The following PCM1 variants were observed in gnomAD, a reference collection of about 807,000 sequenced individuals.
The protein encoded by PCM1 is pericentriolar material 1 protein.
In PCM1, 157 loss-of-function variants were observed where a neutral mutation model predicts 241.9. That is an observed-to-expected ratio of 0.65 (90% CI 0.57 to 0.74). The LOEUF (loss-of-function observed/expected upper bound fraction) is 0.74. PCM1 is among the 30% of genes least tolerant of loss of function. PCM1 has a pLI of 0.00. For missense variants in PCM1, 3,478 were observed against 2,360.1 expected, an observed-to-expected ratio of 1.47 and a Z score of -9.81; for synonymous variants, 1,085 against 784.9, an observed-to-expected ratio of 1.38 and a Z score of -6.39.
intron 2 of PCM1, among the ~76,000 whole-genome samples, chr8:17,928,497 T>G (rs997587691): frequency 5.9e-5 from 9 of 152,190 alleles, no homozygotes; most frequent in Admixed American, 2.0e-4. Flanking sequence ...GAGATGTTCT[T>G]CTTCCTCTCT....
At chr8:18,023,401 G>C (rs1471364766) in intron 36 of PCM1, among the ~76,000 whole-genome samples, 2 of 151,888 alleles carry the variant, frequency 1.3e-5, no homozygotes, top group Non-Finnish European at 2.9e-5. Flanking sequence ...CTCTGAATTG[G>C]AAAAATGGCT....
rs1248431771 is a variant in PCM1, at chr8:17,966,993, C to G, written c.3235C>G (p.Leu1079Val). 1.9e-6 allele frequency: 3 copies of G among 1,604,212 alleles called. No individual in the cohort carries two copies. The highest frequency in any genetic ancestry group is 2.6e-6 in the Non-Finnish European group (3 of 1,175,136). Residue 1079 changes from leucine to valine, a missense_variant, in exon 21 of 39, where the codon CTA (leucine) becomes GTA (valine). By Grantham distance (32) the Leu-to-Val change is conservative. Coordinates refer to ENST00000325083, the MANE Select transcript of PCM1 (RefSeq NM_006197.4). ...AAATCTTTGTAGGTTGAAACAAATG[C>G]TAAATGAACTTATGCGCCAGCAAAA... ...QNNVQRLKQM[L>V]NELMRQQNQH...
chr8:18,019,764 C>G (rs559274152), intron 36 of PCM1, among the ~76,000 whole-genome samples: 3 of 152,204 alleles, frequency 2.0e-5, no homozygotes, highest in Admixed American at 6.5e-5. Flanking sequence ...TGGCTCCCCC[C>G]ACCACTCACC....
intron 23 of PCM1, chr8:17,980,120 T>G (rs2080193028): frequency 6.6e-6 from 1 of 152,120 alleles, no homozygotes; most frequent in Non-Finnish European, 1.5e-5. Context: ...CTTGAAAATT[T>G]TATAGAATAT....
At chr8:17,975,218 A>G (rs1383541294) in intron 23 of PCM1, among the ~76,000 whole-genome samples, 5 of 152,158 alleles carry the variant, frequency 3.3e-5, no homozygotes, top group Admixed American at 6.5e-5. Flanking sequence ...GATTTGTTAG[A>G]AAAAAGGATT....
chr8:17,986,856 A>G (rs1021889038), intron 26 of PCM1, among the ~76,000 whole-genome samples: 1 of 151,858 alleles, frequency 6.6e-6, no homozygotes, highest in Non-Finnish European at 1.5e-5. Flanking sequence ...GTAGTTGATT[A>G]GCAAATATCA....
At chr8:17,989,711 A>ATC (rs2083849175) in intron 26 of PCM1, 148 bp from the exon 27 acceptor site, 1 of 543,728 alleles carries the variant, frequency 1.8e-6, no homozygotes, top group Non-Finnish European at 3.1e-6. Context: ...TGGTTATATT[A>ATC]TCATCTTGTT....
chr8:17,952,426 A>C (rs559258600), intron 8 of PCM1, among the ~76,000 whole-genome samples: 12 of 152,232 alleles, frequency 7.9e-5, no homozygotes, highest in African/African-American at 2.9e-4. Flanking sequence ...ATGTCTAGTG[A>C]ATCCAAGACC....
At chr8:17,966,898 T>G (rs2129469850) in intron 20 of PCM1, 82 bp from the exon 21 acceptor site, 1 of 1,290,232 alleles carries the variant, frequency 7.8e-7, no homozygotes, top group Non-Finnish European at 1.1e-6. Flanking sequence ...TGAATCATTT[T>G]TTTACATGTA....
intron 3 of PCM1, among the ~76,000 whole-genome samples, chr8:17,935,932 A>G (rs1585828631): frequency 1.3e-5 from 2 of 152,068 alleles, no homozygotes; most frequent in Non-Finnish European, 1.5e-5. Flanking sequence ...TGTTTTTTTT[A>G]TGGAAACCAT....
In PCM1 at chr8:17,956,790, C is replaced by G; in HGVS notation, c.1646+13C>G. On this transcript the variant is annotated intron_variant, in intron 11 of 38. Transcript: ENST00000325083. Reference sequence around the variant, plus strand: ...TTACTAACATTCGGTAAGAACTTTTCTGGGGATGTTTTTCCAGCATATTCA... The same window carrying G: ...TTACTAACATTCGGTAAGAACTTTTGTGGGGATGTTTTTCCAGCATATTCA... 1 of 1,594,688 alleles carries G rather than the reference C, an allele frequency of 6.3e-7. No homozygotes were observed. The highest frequency in any genetic ancestry group is 8.6e-7 in the Non-Finnish European group (1 of 1,166,750).
At position 17,962,081 on chromosome 8, in the gene PCM1, A is replaced by G; in HGVS notation, c.2370A>G (p.Pro790=). The change falls in exon 16 of 39, where the codon CCA becomes CCG. Residue 790 remains proline (P), a synonymous_variant. Coordinates refer to ENST00000325083, the MANE Select transcript of PCM1 (RefSeq NM_006197.4). ...VGNCPTKKYM[P]AVTSTPTVNQ... ...ACTGTCCCACCAAAAAATATATGCC[A>G]GCTGTTACTTCAACCCCAACTGTTA... The G allele has an allele frequency of 6.2e-7, 1 of 1,611,958 alleles. No homozygotes were observed. Among genetic ancestry groups the G allele is most frequent in the African/African-American group, 1.3e-5 (1 of 75,036 alleles).
At chr8:18,023,027 A>C (rs752169043) in intron 36 of PCM1, among the ~76,000 whole-genome samples, 14 of 152,194 alleles carry the variant, frequency 9.2e-5, no homozygotes, top group Non-Finnish European at 2.1e-4. Context: ...TAACCATTCT[A>C]CCTGGCAGTG....
At chr8:18,008,630 T>TAAG (rs2091945814) in intron 30 of PCM1, among the ~76,000 whole-genome samples, 1 of 152,172 alleles carries the variant, frequency 6.6e-6, no homozygotes, top group Admixed American at 6.5e-5. Context: ...TCTTTCTATA[T>TAAG]AAGGCTTTAA....
At chr8:17,957,839 T>C in intron 13 of PCM1, 64 bp downstream of exon 13, 1 of 1,089,392 alleles carries the variant, frequency 9.2e-7, no homozygotes, top group Non-Finnish European at 1.4e-6. Flanking sequence ...GTAAAATTTG[T>C]GTATGATAAT....
At chr8:17,970,131 C>A (rs1420505459) in intron 22 of PCM1, among the ~76,000 whole-genome samples, 1 of 151,998 alleles carries the variant, frequency 6.6e-6, no homozygotes, top group Admixed American at 6.6e-5. Context: ...CTTCCTAAAG[C>A]CTATTCAAAT....
intron 21 of PCM1, 195 bp from the exon 22 acceptor site, chr8:17,969,382 C>T (rs1479409327): frequency 2.0e-6 from 1 of 496,350 alleles, no homozygotes; most frequent in Non-Finnish European, 3.5e-6. Context: ...TATTAATTGT[C>T]TTTGACCAAT....
chr8:18,008,955 T>G (rs1400116990), intron 30 of PCM1, among the ~76,000 whole-genome samples: 1 of 152,236 alleles, frequency 6.6e-6, no homozygotes, highest in Non-Finnish European at 1.5e-5. Context: ...CCTATTTTCT[T>G]TTACATGATC....
intron 2 of PCM1, chr8:17,925,217 T>G (rs1025534814): frequency 2.1e-4 from 32 of 152,238 alleles, no homozygotes; most frequent in African/African-American, 7.5e-4. Flanking sequence ...TAAAATTACT[T>G]TATTATTATT....
Sources: gnomAD v4.1 joint callset for allele counts (sites outside exome capture counted in the v4.1 genomes callset) on GRCh38, gnomAD v4.1.1 for gene constraint, MANE v1.5 for transcripts, NCBI Gene and HGNC (gene_info 2026-07-23, HGNC 2026-07-21) for gene names.